ZNF585A: variants seen among roughly 807,000 people sequenced by gnomAD.
ZNF585A encodes the protein zinc finger protein 585A.
ZNF585A carries 9 observed loss-of-function variants against 14.9 expected under a neutral mutation model. That is an observed-to-expected ratio of 0.60 (90% CI 0.36 to 1.05). The LOEUF (loss-of-function observed/expected upper bound fraction) is 1.05. Ranked by LOEUF, ZNF585A falls within the 50% of genes least tolerant of loss-of-function variation. The pLI, the probability that ZNF585A is intolerant of heterozygous loss-of-function variation, is 0.01. For synonymous variants in ZNF585A, 276 were observed against 319.9 expected (o/e 0.86, Z 1.46); for missense variants, 726 against 926.4 (o/e 0.78, Z 2.81).
chr19:37,156,444 G>T, intron 2 of ZNF585A, 89 bp from the exon 3 acceptor site: 1 of 1,451,278 alleles, frequency 6.9e-7, no homozygotes, highest in South Asian at 1.5e-5. Context: ...AGGTCTTGTT[G>T]TTTTAAATTT....
At position 37,151,287 on chromosome 19, in the gene ZNF585A, G is replaced by C. The variant is rs1457136687; in HGVS notation, c.*302C>G. On this transcript the variant is annotated 3_prime_UTR_variant, in exon 5 of 5. Transcript: ENST00000292841. ...CGTTAACTTAATACGATCTTTCTTA[G>C]GAAGAATTTGGTAACAGTATTCTAT... 3 of 447,420 alleles carry C rather than the reference G, an allele frequency of 6.7e-6. No homozygotes were observed. Among genetic ancestry groups the C allele is most frequent in the South Asian group, 6.9e-5 (1 of 14,406 alleles). The allele number at this position is 447,420 out of a possible 1,614,324, so 27.7% of individuals were successfully genotyped here.
At chr19:37,164,144 C>A (rs1253011666) in intron 2 of ZNF585A, among the ~76,000 whole-genome samples, 3 of 152,110 alleles carry the variant, frequency 2.0e-5, no homozygotes, top group Admixed American at 6.5e-5. Flanking sequence ...AAAGGCCGGG[C>A]GTGGTGGCTC....
chr19:37,164,216 A>G (rs1972053245), intron 2 of ZNF585A, among the ~76,000 whole-genome samples: 2 of 152,100 alleles, frequency 1.3e-5, no homozygotes, highest in Admixed American at 1.3e-4. Context: ...CGGGAGATCG[A>G]GACCATCCTG....
intron 2 of ZNF585A, among the ~76,000 whole-genome samples, chr19:37,166,548 G>A (rs750709303): frequency 1.3e-5 from 2 of 151,956 alleles, no homozygotes; most frequent in East Asian, 1.9e-4. Context: ...TCCTGACCTC[G>A]TGATCCACCC....
At chr19:37,157,011 A>T (rs1971942625) in intron 2 of ZNF585A, among the ~76,000 whole-genome samples, 1 of 152,212 alleles carries the variant, frequency 6.6e-6, no homozygotes, top group Admixed American at 6.5e-5. Context: ...TTCAAAATGC[A>T]AATCATGAAC....
At chr19:37,166,929 G>C (rs1972101453) in intron 2 of ZNF585A, among the ~76,000 whole-genome samples, 1 of 151,866 alleles carries the variant, frequency 6.6e-6, no homozygotes, top group Non-Finnish European at 1.5e-5. Context: ...TACTTCCCAG[G>C]CTCAAGCGAT....
rs895196786 is a variant in ZNF585A at position 37,146,429 on chromosome 19, G to A, written c.*5160C>T. The A allele has an allele frequency of 1.3e-5, 2 of 152,160 alleles. No homozygotes were observed. Among genetic ancestry groups the A allele is most frequent in the African/African-American group, 4.8e-5 (2 of 41,418 alleles). The allele number at this position is 152,160 out of a possible 1,614,324, so 9.4% of individuals were successfully genotyped here. A position where few individuals can be genotyped will look rare whatever the true frequency, so the allele number is the denominator to read the frequency against. ...TCACATTGGCACTAGTAGCCCATTT[G>A]AGAGCTGAGGGTGGAGGGTGTGATT... On this transcript the variant is annotated 3_prime_UTR_variant, in exon 5 of 5. Transcript: ENST00000292841.
intron 2 of ZNF585A, 21 bp downstream of exon 2, chr19:37,169,818 C>G (rs775171896): frequency 1.2e-5 from 20 of 1,609,432 alleles, no homozygotes; most frequent in Middle Eastern, 2.0e-4. Flanking sequence ...TTCCCACCCC[C>G]CTGGGACTCC....
In ZNF585A at chr19:37,169,903, G is replaced by A; in HGVS notation, c.8C>T (p.Ala3Val). Residue 3 changes from alanine to valine, a missense_variant, in exon 2 of 5, where the codon GCT becomes GTT. Coordinates refer to ENST00000292841, the MANE Select transcript of ZNF585A (RefSeq NM_001288800.2). MP[A>V]NWTSPQKSSA... ...GGATTTCTGAGGTGAGGTCCAATTA[G>A]CTGGCATGGCCACACTGGGTCTCAA... 3.1e-6 allele frequency: 5 copies of A among 1,613,004 alleles called. No homozygotes were observed. The highest frequency in any genetic ancestry group is 3.4e-6 in the Non-Finnish European group (4 of 1,180,004).
chr19:37,160,397 A>C (rs1971996032), intron 2 of ZNF585A, among the ~76,000 whole-genome samples: 1 of 150,298 alleles, frequency 6.7e-6, no homozygotes, highest in Admixed American at 6.7e-5. Context: ...TAACTAGAAA[A>C]AGAAGAGCAA....
At chr19:37,159,531 T>C (rs545853270) in intron 2 of ZNF585A, among the ~76,000 whole-genome samples, 55 of 152,186 alleles carry the variant, frequency 3.6e-4, no homozygotes, top group Non-Finnish European at 6.3e-4. Context: ...TAGCAATTTA[T>C]CAAAATACTA....
intron 2 of ZNF585A, among the ~76,000 whole-genome samples, chr19:37,160,111 T>C (rs1431263356): frequency 1.3e-5 from 2 of 151,604 alleles, no homozygotes; most frequent in East Asian, 1.9e-4. Context: ...AGTGGGAGGA[T>C]TGCTTGAGCC....
chr19:37,168,675 T>G (rs1396036853), intron 2 of ZNF585A, among the ~76,000 whole-genome samples: 1 of 152,222 alleles, frequency 6.6e-6, no homozygotes, highest in Non-Finnish European at 1.5e-5. Context: ...GAAATTCAGC[T>G]AGAAGATTCT....
Position 37,153,649 on chromosome 19 carries a change from C to T in ZNF585A, c.293-43G>A, listed in dbSNP as rs765559341. 4 of 1,423,564 alleles carry T rather than the reference C, an allele frequency of 2.8e-6. No homozygotes were observed. The African/African-American group carries it at 5.7e-5, about 20-fold the overall frequency. The allele number at this position is 1,423,564 out of a possible 1,614,324, so 88.2% of individuals were successfully genotyped here. On this transcript the variant is annotated intron_variant, in intron 4 of 4. Coordinates refer to ENST00000292841, the MANE Select transcript of ZNF585A (RefSeq NM_001288800.2). ...TGGTTACTATAGGAAGACATTTTAT[C>T]ATTTGGTAATCTTTTTAACATTCTT...
At position 37,152,141 on chromosome 19, in the gene ZNF585A, A is replaced by G. The variant is rs1247800452; in HGVS notation, c.1758T>C (p.Ala586=). 1 of 1,598,594 alleles carries G rather than the reference A, an allele frequency of 6.3e-7. No homozygotes were observed. Among genetic ancestry groups the G allele is most frequent in the South Asian group, 1.1e-5 (1 of 89,808 alleles). The change falls in exon 5 of 5, where the codon GCT becomes GCC. Residue 586 remains alanine (A), a synonymous_variant. Coordinates refer to ENST00000292841, the MANE Select transcript of ZNF585A (RefSeq NM_001288800.2). ...KPYVCTECGR[A]FIRKSNFITH... ...TAATAAAGTTTGACTTGCGGATGAA[A>G]GCTCTTCCACACTCAGTGCATACAT...
intron 3 of ZNF585A, 96 bp from the exon 4 acceptor site, chr19:37,156,053 G>A: frequency 6.3e-7 from 1 of 1,582,712 alleles, no homozygotes; most frequent in Non-Finnish European, 8.6e-7. Context: ...TTTTTCTTCA[G>A]AAAAGTAACC....
chr19:37,166,715 T>C (rs1199643069), intron 2 of ZNF585A, among the ~76,000 whole-genome samples: 1 of 152,220 alleles, frequency 6.6e-6, no homozygotes, highest in African/African-American at 2.4e-5. Context: ...CAGCAACTTG[T>C]GTTTCTGTCA....
intron 2 of ZNF585A, among the ~76,000 whole-genome samples, chr19:37,160,987 C>G (rs1041466824): frequency 2.0e-5 from 3 of 152,070 alleles, no homozygotes; most frequent in African/African-American, 7.2e-5. Flanking sequence ...CCTGCCTCAG[C>G]CTCCTGAGTA....
At chr19:37,171,902 C>CAA (rs35616540) in intron 1 of ZNF585A, among the ~76,000 whole-genome samples, 5 of 132,790 alleles carry the variant, frequency 3.8e-5, no homozygotes, top group East Asian at 2.1e-4. Flanking sequence ...GACTCCATCT[C>CAA]AAAAAAAAAA....
Sources: allele counts gnomAD v4.1 joint callset (sites outside exome capture counted in the v4.1 genomes callset), GRCh38; gene constraint gnomAD v4.1.1; transcripts MANE v1.5; gene names NCBI Gene and HGNC (gene_info 2026-07-23, HGNC 2026-07-21).